The following GPHN variants were observed in gnomAD, a reference collection of about 807,000 sequenced individuals.
The protein encoded by GPHN is gephyrin.
Under a neutral mutation model 95.5 loss-of-function variants are expected in GPHN, and 17 were observed. That is an observed-to-expected ratio of 0.18 (90% CI 0.12 to 0.27). The LOEUF (loss-of-function observed/expected upper bound fraction) is 0.27. GPHN is among the 10% of genes least tolerant of loss of function. The probability of loss-of-function intolerance (pLI) is 1.00; values close to 1 mark genes in which losing one functional copy is unlikely to be tolerated. For synonymous variants in GPHN, 320 were observed against 322.5 expected (o/e 0.99, Z 0.08); for missense variants, 660 against 978.1 (o/e 0.67, Z 4.34).
chr14:66,993,611 TA>T (rs1297181879), intron 9 of GPHN, among the ~76,000 whole-genome samples: 2 of 152,184 alleles, frequency 1.3e-5, no homozygotes, highest in Admixed American at 1.3e-4. Flanking sequence ...CATGATCAAG[TA>T]ATATATCATA....
At chr14:67,016,978 A>G (rs1468226626) in intron 9 of GPHN, among the ~76,000 whole-genome samples, 2 of 152,070 alleles carry the variant, frequency 1.3e-5, no homozygotes, top group South Asian at 2.1e-4. Context: ...AATTTTCCCC[A>G]TATTATGGAT....
chr14:67,421,592 T>C, the GPHN span, among the ~76,000 whole-genome samples: 1 of 151,998 alleles, frequency 6.6e-6, no homozygotes, highest in East Asian at 1.9e-4. Flanking sequence ...CGCTCAGAAA[T>C]ACCAAAGAGA....
At chr14:67,657,841 C>T in the GPHN span, among the ~76,000 whole-genome samples, 1,049 of 151,834 alleles carry the variant, frequency 6.9e-3, 13 homozygotes, top group African/African-American at 0.024. Context: ...CTCTGCCTCC[C>T]GGGCACAAGC....
the GPHN span, among the ~76,000 whole-genome samples, chr14:67,703,550 C>T: frequency 0.45 from 68,278 of 151,962 alleles, 17,887 homozygotes; most frequent in Non-Finnish European, 0.61. Flanking sequence ...AGAACTTAGA[C>T]GATCCTACAT....
At chr14:67,651,720 ATGT>A in the GPHN span, 4 of 364,582 alleles carry the variant, frequency 1.1e-5, no homozygotes, top group Non-Finnish European at 1.0e-5. Context: ...GGATTCTGAA[ATGT>A]TGTTCAAATA....
chr14:67,310,289 G>A, the GPHN span, among the ~76,000 whole-genome samples: 3 of 151,956 alleles, frequency 2.0e-5, no homozygotes, highest in Admixed American at 2.0e-4. Context: ...GTTCTTTAGG[G>A]CACTTTGCAT....
the GPHN span, chr14:67,221,743 T>C: frequency 6.7e-5 from 108 of 1,610,912 alleles, no homozygotes; most frequent in Non-Finnish European, 8.7e-5. Context: ...GTGGTTATGC[T>C]GGCAAATTTT....
chr14:66,836,273 C>T (rs1307722989), intron 4 of GPHN, among the ~76,000 whole-genome samples: 1 of 136,386 alleles, frequency 7.3e-6, no homozygotes, highest in Non-Finnish European at 1.5e-5. Flanking sequence ...GAACAGAGCC[C>T]TCAGAAATAA....
chr14:66,607,687 T>C (rs78814285), intron 1 of GPHN, among the ~76,000 whole-genome samples: 3,296 of 152,102 alleles, frequency 0.022, 127 homozygotes, highest in African/African-American at 0.074. Flanking sequence ...GAACTTGTTA[T>C]TGGTCTTTTC....
chr14:67,221,785 G>A, the GPHN span: 31 of 1,613,164 alleles, frequency 1.9e-5, no homozygotes, highest in Non-Finnish European at 2.4e-5. Context: ...ACAGGAGCTT[G>A]AGAACTGAAT....
At chr14:67,001,829 A>T (rs899511726) in intron 9 of GPHN, among the ~76,000 whole-genome samples, 1 of 151,742 alleles carries the variant, frequency 6.6e-6, no homozygotes, top group Non-Finnish European at 1.5e-5. Flanking sequence ...CCATGGATTT[A>T]CACAGATTTG....
At chr14:66,999,525 G>A (rs1255612498) in intron 9 of GPHN, among the ~76,000 whole-genome samples, 2 of 151,402 alleles carry the variant, frequency 1.3e-5, no homozygotes, top group African/African-American at 4.8e-5. Flanking sequence ...TACCTCCTAT[G>A]CCTTATTTAA....
At chr14:67,434,298 T>C in the GPHN span, among the ~76,000 whole-genome samples, 1 of 152,222 alleles carries the variant, frequency 6.6e-6, no homozygotes, top group African/African-American at 2.4e-5. Flanking sequence ...GGATGCTAAT[T>C]TGGCAAAACC....
the GPHN span, among the ~76,000 whole-genome samples, chr14:67,539,083 G>A: frequency 6.6e-6 from 1 of 152,064 alleles, no homozygotes; most frequent in East Asian, 1.9e-4. Flanking sequence ...TTATTTCTTA[G>A]CCCTGAACTG....
chr14:67,057,267 G>A (rs2075624533), intron 10 of GPHN, among the ~76,000 whole-genome samples: 2 of 152,298 alleles, frequency 1.3e-5, no homozygotes, highest in Admixed American at 1.3e-4. Context: ...GCCGTAAAAA[G>A]GAATGAGATC....
At chr14:67,318,053 G>A in the GPHN span, among the ~76,000 whole-genome samples, 1 of 152,092 alleles carries the variant, frequency 6.6e-6, no homozygotes, top group African/African-American at 2.4e-5. Context: ...ACCACTCCCA[G>A]TGTTTTATTA....
At chr14:67,561,591 C>T in the GPHN span, among the ~76,000 whole-genome samples, 344 of 151,918 alleles carry the variant, frequency 2.3e-3, 5 homozygotes, top group African/African-American at 7.9e-3. Flanking sequence ...GCAGCAGCCA[C>T]GCTCAGTGGC....
At chr14:67,292,405 T>C in the GPHN span, 1 of 724,320 alleles carries the variant, frequency 1.4e-6, no homozygotes, top group Non-Finnish European at 2.3e-6. Context: ...TTGGTATTTT[T>C]CTGAAAACTT....
At chr14:67,420,267 C>G in the GPHN span, among the ~76,000 whole-genome samples, 4 of 152,332 alleles carry the variant, frequency 2.6e-5, no homozygotes, top group African/African-American at 9.6e-5. Context: ...GAAGAGGCCC[C>G]CTGTCTCCAT....
Sources: allele counts gnomAD v4.1 joint callset (sites outside exome capture counted in the v4.1 genomes callset), GRCh38; gene constraint gnomAD v4.1.1; transcripts MANE v1.5; gene names NCBI Gene and HGNC (gene_info 2026-07-23, HGNC 2026-07-21).